Variants in MAPK10 observed in about 807,000 individuals in gnomAD.
MAPK10 encodes mitogen-activated protein kinase 10.
MAPK10 carries 25 observed loss-of-function variants against 59.3 expected under a neutral mutation model. The ratio of observed to expected loss-of-function variants is 0.42; its 90% CI spans 0.31 to 0.59. The LOEUF (loss-of-function observed/expected upper bound fraction) is 0.59, where lower values mean the gene tolerates loss of function less well. Among genes scored for constraint, MAPK10 ranks in the 20% least tolerant of loss-of-function variants. MAPK10 has a pLI of 0.15. For synonymous variants in MAPK10, 190 were observed against 200.5 expected (o/e 0.95, Z 0.44); for missense variants, 351 against 568.9 (o/e 0.62, Z 3.90).
In MAPK10 at chr4:86,430,788, A is replaced by G. The variant is rs150411220; in HGVS notation, c.-122+22242T>C. ...AAAGGGAAAAAACGTCACGATACAG[A>G]AAGTGGCTGCAAACGAGGCTACAGA... is the stretch of plus-strand genomic sequence containing the variant. On this transcript the variant is annotated intron_variant, in intron 1 of 13. Coordinates refer to the MAPK10 transcript ENST00000361569. 6.0e-3 allele frequency among the ~76,000 whole-genome samples: 921 copies of G among 152,328 alleles called. 7 individuals are homozygous for G. The highest frequency in any genetic ancestry group is 0.02 in the African/African-American group (823 of 41,584).
chr4:86,277,528 A>G (rs1431845519), intron 2 of MAPK10, among the ~76,000 whole-genome samples: 1 of 152,158 alleles, frequency 6.6e-6, no homozygotes. Flanking sequence ...CTTAAATTTG[A>G]TGCTTGGATT....
rs145113620 is a variant in MAPK10, at chr4:86,409,984, T to G, written c.-122+43046A>C. Among the ~76,000 whole-genome samples, 1,489 of 152,330 alleles carry G rather than the reference T, an allele frequency of 9.8e-3. 13 individuals carry two copies. Among genetic ancestry groups the G allele is most frequent in the African/African-American group, 0.026 (1,069 of 41,572 alleles). On this transcript the variant is annotated intron_variant, in intron 1 of 13. Coordinates refer to the MAPK10 transcript ENST00000361569. Reference sequence around the variant, plus strand: ...AAGGCATCCTTGTCTTGTGCCAGTTTTCAAAGGGAATACTTCCAGTTTTTG... The same window carrying G: ...AAGGCATCCTTGTCTTGTGCCAGTTGTCAAAGGGAATACTTCCAGTTTTTG...
intron 8 of MAPK10, 25 bp from the exon 9 acceptor site, chr4:86,098,620 G>A (rs1453241417): frequency 5.9e-6 from 9 of 1,525,974 alleles, no homozygotes; most frequent in Non-Finnish European, 8.2e-6. Context: ...AGAGGGTAGT[G>A]AAGAAAAGGG....
At chr4:86,189,196 C>A (rs1430518735) in intron 3 of MAPK10, among the ~76,000 whole-genome samples, 1 of 152,102 alleles carries the variant, frequency 6.6e-6, no homozygotes, top group Non-Finnish European at 1.5e-5. Context: ...CAGTGTTGTT[C>A]TTTTTGCTTA....
intron 2 of MAPK10, among the ~76,000 whole-genome samples, chr4:86,284,257 A>G (rs2094922145): frequency 6.6e-6 from 1 of 152,214 alleles, no homozygotes; most frequent in South Asian, 2.1e-4. Context: ...TAATTTGCCC[A>G]AGAACACAAA....
At chr4:86,206,183 T>TA (rs1345315228) in intron 2 of MAPK10, among the ~76,000 whole-genome samples, 2 of 151,860 alleles carry the variant, frequency 1.3e-5, no homozygotes, top group African/African-American at 4.8e-5. Context: ...CTCCTAATGC[T>TA]ATCCCTCCCC....
intron 1 of MAPK10, among the ~76,000 whole-genome samples, chr4:86,438,479 C>G (rs1017311185): frequency 6.6e-6 from 1 of 152,070 alleles, no homozygotes; most frequent in African/African-American, 2.4e-5. Flanking sequence ...CATCTGAGGT[C>G]AGGAGTTCTA....
chr4:86,519,787 G>C (rs1230928222), intron 1 of MAPK10, among the ~76,000 whole-genome samples: 1 of 152,066 alleles, frequency 6.6e-6, no homozygotes, highest in Non-Finnish European at 1.5e-5. Context: ...ACTCCCTTTA[G>C]CATTTCTTGT....
intron 12 of MAPK10, among the ~76,000 whole-genome samples, chr4:86,030,603 G>A (rs1159568756): frequency 6.6e-6 from 1 of 152,128 alleles, no homozygotes. Context: ...AAACTGCTGG[G>A]ATTACAGGTG....
chr4:86,075,705 CG>C (rs1200519766), intron 9 of MAPK10, among the ~76,000 whole-genome samples: 2 of 152,082 alleles, frequency 1.3e-5, no homozygotes, highest in African/African-American at 2.4e-5. Context: ...TTAGACTTCT[CG>C]GGGGTCAGGG....
intron 2 of MAPK10, among the ~76,000 whole-genome samples, chr4:86,199,862 A>G (rs973281939): frequency 4.6e-5 from 7 of 152,032 alleles, no homozygotes; most frequent in Non-Finnish European, 8.8e-5. Context: ...AAACACTCAT[A>G]ATAGCCACTA....
intron 1 of MAPK10, among the ~76,000 whole-genome samples, chr4:86,568,467 C>T (rs1003044795): frequency 2.6e-5 from 4 of 152,020 alleles, no homozygotes; most frequent in Admixed American, 6.6e-5. Context: ...AAAATAAAAA[C>T]GGCCCAAGTA....
At chr4:86,503,767 G>A (rs1464510495) in intron 1 of MAPK10, among the ~76,000 whole-genome samples, 1 of 152,048 alleles carries the variant, frequency 6.6e-6, no homozygotes, top group African/African-American at 2.4e-5. Context: ...CTCATTTGGG[G>A]TAAAATTCAA....
In MAPK10 at chr4:86,271,586, G is replaced by C. The variant is rs143947964; in HGVS notation, c.-6-77179C>G. ...GATGCCTGTATTAGTCCACTCTCACGCTGCTAATAAAGACATACCCTAAAC... is the reference window on the plus strand; with the variant it reads ...GATGCCTGTATTAGTCCACTCTCACCCTGCTAATAAAGACATACCCTAAAC... On this transcript the variant is annotated intron_variant, in intron 2 of 13. Transcript: ENST00000641462. Among the ~76,000 whole-genome samples the C allele has an allele frequency of 7.2e-5, 11 of 151,980 alleles. No individual in the cohort carries two copies. The East Asian group carries it at 2.1e-3, about 29-fold the overall frequency.
intron 2 of MAPK10, among the ~76,000 whole-genome samples, chr4:86,295,621 G>A (rs2095340923): frequency 6.6e-6 from 1 of 151,424 alleles, no homozygotes; most frequent in South Asian, 2.1e-4. Context: ...GCTCCAATGT[G>A]TACTGTCTAC....
intron 1 of MAPK10, among the ~76,000 whole-genome samples, chr4:86,514,321 T>C (rs777058631): frequency 1.3e-5 from 2 of 152,190 alleles, no homozygotes; most frequent in Non-Finnish European, 2.9e-5. Context: ...CAACCTCAGA[T>C]TGGCACCACC....
At chr4:86,450,128 G>A (rs970458014) in intron 1 of MAPK10, among the ~76,000 whole-genome samples, 3 of 152,238 alleles carry the variant, frequency 2.0e-5, no homozygotes, top group African/African-American at 7.2e-5. Flanking sequence ...AAGCCAATAA[G>A]TTGTGCTAAT....
At chr4:86,115,220 T>A (rs759578211) in intron 4 of MAPK10, among the ~76,000 whole-genome samples, 4 of 152,178 alleles carry the variant, frequency 2.6e-5, no homozygotes, top group Admixed American at 6.5e-5. Context: ...GATGCACAGA[T>A]CCATGGAAAA....
intron 9 of MAPK10, among the ~76,000 whole-genome samples, chr4:86,070,923 G>T (rs1194221343): frequency 2.0e-5 from 3 of 152,002 alleles, no homozygotes; most frequent in Admixed American, 6.5e-5. Context: ...GGGATGGCTG[G>T]GTCAAATGGT....
Sources: gnomAD v4.1 joint callset for allele counts (sites outside exome capture counted in the v4.1 genomes callset) on GRCh38, gnomAD v4.1.1 for gene constraint, MANE v1.5 for transcripts, NCBI Gene and HGNC (gene_info 2026-07-23, HGNC 2026-07-21) for gene names.